The following ANKRD13C variants were observed in gnomAD, a reference collection of about 807,000 sequenced individuals.
ANKRD13C encodes ankyrin repeat domain-containing protein 13C.
Under a neutral mutation model 65.5 loss-of-function variants are expected in ANKRD13C, and 16 were observed. The observed-to-expected ratio is 0.24, with a 90% CI of 0.17 to 0.37. ANKRD13C has a LOEUF of 0.37. Among genes scored for constraint, ANKRD13C ranks in the 10% least tolerant of loss-of-function variants. The pLI, the probability that ANKRD13C is intolerant of heterozygous loss-of-function variation, is 1.00. For synonymous variants in ANKRD13C, 235 were observed against 238.7 expected (o/e 0.98, Z 0.14); for missense variants, 503 against 655.9 (o/e 0.77, Z 2.55).
intron 8 of ANKRD13C, chr1:70,293,489 T>G (rs950325179): frequency 1.1e-6 from 1 of 927,686 alleles, no homozygotes. Flanking sequence ...TAAGTATTAC[T>G]GACTCCCTCC....
intron 2 of ANKRD13C, among the ~76,000 whole-genome samples, chr1:70,333,144 T>C (rs1406810429): frequency 6.6e-6 from 1 of 152,188 alleles, no homozygotes; most frequent in Non-Finnish European, 1.5e-5. Flanking sequence ...TACTTTACTC[T>C]GGGCAAGTTT....
intron 7 of ANKRD13C, among the ~76,000 whole-genome samples, chr1:70,297,923 A>G (rs1259343319): frequency 6.6e-6 from 1 of 151,772 alleles, no homozygotes; most frequent in Non-Finnish European, 1.5e-5. Context: ...CTCAAAAAAA[A>G]AAAAAAACAA....
intron 10 of ANKRD13C, among the ~76,000 whole-genome samples, chr1:70,275,727 G>A (rs567633599): frequency 2.6e-5 from 4 of 152,072 alleles, no homozygotes; most frequent in South Asian, 2.1e-4. Context: ...TTGGGAGGCC[G>A]AGGCAGGTGG....
At chr1:70,308,760 TAAAG>T (rs1164937193) in intron 5 of ANKRD13C, among the ~76,000 whole-genome samples, 1 of 146,168 alleles carries the variant, frequency 6.8e-6, no homozygotes, top group African/African-American at 2.5e-5. Flanking sequence ...AAAAAAAAAT[TAAAG>T]AAGTTAAATT....
Position 70,354,532 on chromosome 1 carries a change from T to G in ANKRD13C, c.-124A>C. Reference sequence around the variant, plus strand: ...CCTCCAGCGCAGCATGAACTCCCACTGAGCCCCCGAGCCTGGGACAAACGC... The same window carrying G: ...CCTCCAGCGCAGCATGAACTCCCACGGAGCCCCCGAGCCTGGGACAAACGC... On this transcript the variant is annotated 5_prime_UTR_variant, in exon 1 of 13. Transcript: ENST00000370944. 6.9e-7 allele frequency: 1 copy of G among 1,442,702 alleles called. No homozygotes were observed. The highest frequency in any genetic ancestry group is 2.5e-5 in the East Asian group (1 of 40,132). The allele number at this position is 1,442,702 out of a possible 1,614,324, so 89.4% of individuals were successfully genotyped here.
At chr1:70,301,487 G>A (rs929994601) in intron 6 of ANKRD13C, among the ~76,000 whole-genome samples, 17 of 152,122 alleles carry the variant, frequency 1.1e-4, no homozygotes, top group Admixed American at 1.3e-4. Context: ...ATATACACCC[G>A]TAACCTTATG....
At chr1:70,295,914 A>G (rs1680063953) in intron 8 of ANKRD13C, among the ~76,000 whole-genome samples, 1 of 152,208 alleles carries the variant, frequency 6.6e-6, no homozygotes, top group Non-Finnish European at 1.5e-5. Flanking sequence ...TTCCTGACAC[A>G]GAATTCAAAT....
At chr1:70,328,833 G>A (rs112492817) in intron 2 of ANKRD13C, among the ~76,000 whole-genome samples, 1,620 of 152,080 alleles carry the variant, frequency 0.011, 28 homozygotes, top group African/African-American at 0.037. Flanking sequence ...AAGAAGAGGG[G>A]ATGATAGCCA....
At chr1:70,299,491 A>G (rs1331960871) in intron 7 of ANKRD13C, among the ~76,000 whole-genome samples, 1 of 152,238 alleles carries the variant, frequency 6.6e-6, no homozygotes, top group Non-Finnish European at 1.5e-5. Flanking sequence ...AAGATCATTT[A>G]TAAGACTTTC....
At chr1:70,300,457 G>A (rs904664265) in intron 7 of ANKRD13C, among the ~76,000 whole-genome samples, 21 of 152,040 alleles carry the variant, frequency 1.4e-4, no homozygotes, top group African/African-American at 3.9e-4. Context: ...GCTTGGTGGC[G>A]GGCGCCTGTA....
intron 12 of ANKRD13C, among the ~76,000 whole-genome samples, chr1:70,270,096 T>G (rs1678813070): frequency 6.6e-6 from 1 of 152,174 alleles, no homozygotes; most frequent in Non-Finnish European, 1.5e-5. Flanking sequence ...TAAGATGAAA[T>G]TAAACATTTA....
At chr1:70,333,588 TG>T (rs1426992999) in intron 2 of ANKRD13C, among the ~76,000 whole-genome samples, 3 of 152,240 alleles carry the variant, frequency 2.0e-5, no homozygotes, top group Non-Finnish European at 4.4e-5. Flanking sequence ...ACTTGTGGCT[TG>T]GCTTGAGATA....
intron 11 of ANKRD13C, among the ~76,000 whole-genome samples, chr1:70,273,646 T>C (rs956072306): frequency 1.3e-5 from 2 of 151,896 alleles, no homozygotes; most frequent in African/African-American, 2.4e-5. Flanking sequence ...ACTGTAAAAC[T>C]TCAAGACACA....
chr1:70,299,340 A>C (rs1303531178), intron 7 of ANKRD13C, among the ~76,000 whole-genome samples: 1 of 152,234 alleles, frequency 6.6e-6, no homozygotes, highest in Non-Finnish European at 1.5e-5. Flanking sequence ...TGCCGTGCTA[A>C]GGAGATTAGA....
intron 8 of ANKRD13C, among the ~76,000 whole-genome samples, chr1:70,294,161 A>G (rs1227207751): frequency 2.0e-5 from 3 of 152,232 alleles, no homozygotes; most frequent in Non-Finnish European, 1.5e-5. Context: ...AGTAGATACG[A>G]TATGACACGA....
chr1:70,342,027 A>C (rs971178908), intron 1 of ANKRD13C, among the ~76,000 whole-genome samples: 4 of 151,826 alleles, frequency 2.6e-5, no homozygotes, highest in Non-Finnish European at 5.9e-5. Flanking sequence ...AGAAGTGGTG[A>C]AACAAAGAAT....
chr1:70,330,457 C>A (rs1681735805), intron 2 of ANKRD13C, among the ~76,000 whole-genome samples: 1 of 150,930 alleles, frequency 6.6e-6, no homozygotes, highest in Non-Finnish European at 1.5e-5. Context: ...GCTCAGGAGG[C>A]TGAGGCAGGA....
chr1:70,353,337 A>G (rs1037592330), intron 1 of ANKRD13C, among the ~76,000 whole-genome samples: 1 of 152,244 alleles, frequency 6.6e-6, no homozygotes, highest in Non-Finnish European at 1.5e-5. Flanking sequence ...CATTACTATT[A>G]GCAATTATCT....
At chr1:70,352,242 A>C (rs1024631867) in intron 1 of ANKRD13C, among the ~76,000 whole-genome samples, 1 of 146,162 alleles carries the variant, frequency 6.8e-6, no homozygotes, top group Non-Finnish European at 1.5e-5. Context: ...CAGGAGGCTG[A>C]GGCAGGAGAA....
Sources: gnomAD v4.1 joint callset for allele counts (sites outside exome capture counted in the v4.1 genomes callset) on GRCh38, gnomAD v4.1.1 for gene constraint, MANE v1.5 for transcripts, NCBI Gene and HGNC (gene_info 2026-07-23, HGNC 2026-07-21) for gene names.